Variants in GMDS observed in about 807,000 individuals in gnomAD.
GMDS encodes the protein GDP-mannose 4,6 dehydratase.
A neutral mutation model predicts 49.9 loss-of-function variants in GMDS; 20 were observed. That is an observed-to-expected ratio of 0.40 (90% CI 0.28 to 0.58). The LOEUF is 0.58. GMDS is among the 20% of genes least tolerant of loss of function. GMDS has a pLI of 0.42. For synonymous variants in GMDS, 177 were observed against 178.6 expected (o/e 0.99, Z 0.07); for missense variants, 362 against 481.4 (o/e 0.75, Z 2.32).
At chr6:1,819,175 C>T (rs775167954) in intron 7 of GMDS, among the ~76,000 whole-genome samples, 7 of 151,980 alleles carry the variant, frequency 4.6e-5, no homozygotes, top group Non-Finnish European at 8.8e-5. Flanking sequence ...GAAAAACAGA[C>T]TCATCATAGT....
intron 6 of GMDS, among the ~76,000 whole-genome samples, chr6:1,931,848 T>G (rs1416319166): frequency 6.6e-6 from 1 of 152,192 alleles, no homozygotes; most frequent in African/African-American, 2.4e-5. Context: ...TCATACAATT[T>G]ATTGATTCTT....
chr6:1,647,120 T>A (rs1561696876), intron 9 of GMDS, among the ~76,000 whole-genome samples: 1 of 152,028 alleles, frequency 6.6e-6, no homozygotes, highest in South Asian at 2.1e-4. Flanking sequence ...AAGAACTCCA[T>A]CCCCTCCCAG....
intron 7 of GMDS, among the ~76,000 whole-genome samples, chr6:1,863,406 G>A (rs904562386): frequency 2.6e-5 from 4 of 152,172 alleles, no homozygotes; most frequent in African/African-American, 7.2e-5. Context: ...ACGTTTGGCT[G>A]TAAAACTCTA....
intron 1 of GMDS, among the ~76,000 whole-genome samples, chr6:2,170,196 T>C (rs1223809612): frequency 1.4e-5 from 2 of 140,136 alleles, no homozygotes; most frequent in Admixed American, 1.4e-4. Context: ...ACAACGAAAC[T>C]ACATCTCAAA....
intron 1 of GMDS, among the ~76,000 whole-genome samples, chr6:2,189,062 T>C (rs531836733): frequency 3.3e-5 from 5 of 152,230 alleles, no homozygotes; most frequent in Admixed American, 1.3e-4. Flanking sequence ...TATGAACTGG[T>C]GGAGAACACT....
chr6:2,043,806 A>C (rs1769831734), intron 4 of GMDS, among the ~76,000 whole-genome samples: 2 of 152,172 alleles, frequency 1.3e-5, no homozygotes, highest in Admixed American at 6.5e-5. Context: ...TGCAAACTAT[A>C]CATCTAACAA....
intron 1 of GMDS, among the ~76,000 whole-genome samples, chr6:2,234,982 G>A (rs989049748): frequency 6.6e-6 from 1 of 152,052 alleles, no homozygotes; most frequent in African/African-American, 2.4e-5. Flanking sequence ...AAAATTAGCC[G>A]GGCGTGGTGG....
At chr6:1,696,090 AACAAAAAC>A (rs1765331737) in intron 9 of GMDS, among the ~76,000 whole-genome samples, 1 of 152,108 alleles carries the variant, frequency 6.6e-6, no homozygotes, top group Non-Finnish European at 1.5e-5. Flanking sequence ...AGGAGACAGA[AACAAAAAC>A]ATGCAGGAGA....
intron 7 of GMDS, among the ~76,000 whole-genome samples, chr6:1,869,588 T>C (rs979135777): frequency 5.9e-5 from 9 of 152,224 alleles, no homozygotes; most frequent in Non-Finnish European, 1.0e-4. Context: ...AGCCTTCAGA[T>C]ATTCAGGCAG....
intron 4 of GMDS, among the ~76,000 whole-genome samples, chr6:2,034,227 A>G (rs1769148206): frequency 6.6e-6 from 1 of 152,186 alleles, no homozygotes; most frequent in Admixed American, 6.6e-5. Flanking sequence ...CAGGCCACAT[A>G]TCATCTCTGT....
At chr6:1,857,971 A>G (rs923881656) in intron 7 of GMDS, among the ~76,000 whole-genome samples, 28 of 152,324 alleles carry the variant, frequency 1.8e-4, no homozygotes, top group African/African-American at 6.5e-4. Context: ...ATGACCATCA[A>G]TGTCACACCA....
At chr6:2,143,238 T>C (rs2127530507) in intron 1 of GMDS, among the ~76,000 whole-genome samples, 1 of 152,332 alleles carries the variant, frequency 6.6e-6, no homozygotes, top group Non-Finnish European at 1.5e-5. Context: ...ATAGCAAACC[T>C]GTATCACCAG....
At chr6:2,215,997 A>C (rs1268199416) in intron 1 of GMDS, among the ~76,000 whole-genome samples, 1 of 152,208 alleles carries the variant, frequency 6.6e-6, no homozygotes, top group Non-Finnish European at 1.5e-5. Flanking sequence ...GGAAACATAG[A>C]GCTACATATG....
At chr6:1,835,422 T>C (rs901991009) in intron 7 of GMDS, among the ~76,000 whole-genome samples, 5 of 152,304 alleles carry the variant, frequency 3.3e-5, no homozygotes, top group South Asian at 2.1e-4. Flanking sequence ...GCATTCTTTG[T>C]AGGGAGTTGT....
chr6:2,233,567 C>CCCAGCACTTTGAGAGGCTGAGGTGG (rs1425716114), intron 1 of GMDS, among the ~76,000 whole-genome samples: 1 of 152,224 alleles, frequency 6.6e-6, no homozygotes, highest in Non-Finnish European at 1.5e-5. Flanking sequence ...CACCTGTAAT[C>CCCAGCACTTTGAGAGGCTGAGGTGG]CCAGCACTTT....
At chr6:1,632,202 C>A (rs1763022011) in intron 9 of GMDS, among the ~76,000 whole-genome samples, 1 of 152,120 alleles carries the variant, frequency 6.6e-6, no homozygotes, top group African/African-American at 2.4e-5. Flanking sequence ...AGGACAAAAC[C>A]CTCTGTAGAA....
At chr6:2,127,730 T>TC (rs1006180113) in intron 1 of GMDS, among the ~76,000 whole-genome samples, 14 of 152,130 alleles carry the variant, frequency 9.2e-5, no homozygotes, top group African/African-American at 3.4e-4. Context: ...CCTCGTCCTT[T>TC]CCCCAGGCCC....
At chr6:1,937,365 T>C (rs928724410) in intron 6 of GMDS, among the ~76,000 whole-genome samples, 4 of 152,260 alleles carry the variant, frequency 2.6e-5, no homozygotes, top group Non-Finnish European at 4.4e-5. Flanking sequence ...AACTTTCTTT[T>C]AAATTTTAAT....
chr6:2,238,262 G>C (rs974102730), intron 1 of GMDS, among the ~76,000 whole-genome samples: 2 of 151,862 alleles, frequency 1.3e-5, no homozygotes, highest in Non-Finnish European at 2.9e-5. Flanking sequence ...AGTCAGGCTT[G>C]GTGGCAGCTA....
Sources: allele counts gnomAD v4.1 joint callset (sites outside exome capture counted in the v4.1 genomes callset), GRCh38; gene constraint gnomAD v4.1.1; transcripts MANE v1.5; gene names NCBI Gene and HGNC (gene_info 2026-07-23, HGNC 2026-07-21).